The following EYS variants were observed in gnomAD, a reference collection of about 807,000 sequenced individuals.
EYS encodes the protein EGF-like photoreceptor maintenance factor, also known as protein eyes shut homolog.
A neutral mutation model predicts 282.1 loss-of-function variants in EYS; 250 were observed. That is an observed-to-expected ratio of 0.89 (90% CI 0.80 to 0.98). The LOEUF (loss-of-function observed/expected upper bound fraction) is 0.98. Ranked by LOEUF, EYS falls within the 50% of genes least tolerant of loss-of-function variation. The probability of loss-of-function intolerance (pLI) is 0.00; values close to 1 mark genes in which losing one functional copy is unlikely to be tolerated. For missense variants in EYS, 4,016 were observed against 3,709.0 expected, an observed-to-expected ratio of 1.08 and a Z score of -2.15; for synonymous variants, 1,355 against 1,282.9, an observed-to-expected ratio of 1.06 and a Z score of -1.20.
chr6:64,520,611 T>C (rs57020190), intron 26 of EYS, among the ~76,000 whole-genome samples: 1,661 of 151,738 alleles, frequency 0.011, 33 homozygotes, highest in East Asian at 0.082. Flanking sequence ...TTTTATGACT[T>C]GAGAATGACA....
At chr6:64,218,723 C>A (rs1040309324) in intron 31 of EYS, among the ~76,000 whole-genome samples, 3 of 152,152 alleles carry the variant, frequency 2.0e-5, no homozygotes, top group African/African-American at 7.2e-5. Context: ...AAACTGGGGC[C>A]TGCTTCTTGC....
At chr6:64,141,898 C>T (rs766866367) in intron 31 of EYS, among the ~76,000 whole-genome samples, 4 of 152,180 alleles carry the variant, frequency 2.6e-5, no homozygotes, top group Non-Finnish European at 4.4e-5. Flanking sequence ...CCCAAATGTT[C>T]ACTGGCATGC....
At chr6:65,052,361 A>G (rs1262103117) in intron 13 of EYS, among the ~76,000 whole-genome samples, 3 of 151,676 alleles carry the variant, frequency 2.0e-5, no homozygotes, top group African/African-American at 7.2e-5. Context: ...CACTCAAAAC[A>G]TAAAATCCCC....
chr6:65,610,674 A>G (rs1329379793), intron 2 of EYS, among the ~76,000 whole-genome samples: 28 of 152,110 alleles, frequency 1.8e-4, no homozygotes, highest in Admixed American at 1.7e-3. Flanking sequence ...TAAAACTTCT[A>G]TAACTTTTCT....
chr6:65,142,851 T>A (rs767175269), intron 12 of EYS, among the ~76,000 whole-genome samples: 1 of 151,986 alleles, frequency 6.6e-6, no homozygotes, highest in Admixed American at 6.6e-5. Context: ...CAAAACACTT[T>A]AAAAATGAAG....
At chr6:64,881,997 A>T (rs577879482) in intron 19 of EYS, among the ~76,000 whole-genome samples, 2 of 151,850 alleles carry the variant, frequency 1.3e-5, no homozygotes, top group African/African-American at 4.8e-5. Flanking sequence ...TGTAAGATCC[A>T]GCTTTTGATA....
intron 35 of EYS, among the ~76,000 whole-genome samples, chr6:63,925,639 G>C (rs1764693329): frequency 6.6e-6 from 1 of 152,068 alleles, no homozygotes; most frequent in Non-Finnish European, 1.5e-5. Context: ...CTGTCATCTA[G>C]GTTTTTTGTT....
At position 64,572,748 on chromosome 6, in the gene EYS, AC is replaced by A. The variant is rs201851193; in HGVS notation, c.5644+17474del. Among the ~76,000 whole-genome samples, 1,111 of 152,292 alleles carry A rather than the reference AC, an allele frequency of 7.3e-3. 11 individuals are homozygous for A. Among genetic ancestry groups the A allele is most frequent in the African/African-American group, 0.023 (943 of 41,546 alleles). ...AGGACCTCTTCAAGGAGAAGTACAA[AC>A]CACTGCTCAAGGAAATAAGAGAGGA... On this transcript the variant is annotated intron_variant, in intron 26 of 42. Coordinates refer to ENST00000503581, the MANE Select transcript of EYS (RefSeq NM_001142800.2).
At chr6:64,939,224 G>T (rs1769010712) in intron 15 of EYS, among the ~76,000 whole-genome samples, 1 of 151,736 alleles carries the variant, frequency 6.6e-6, no homozygotes, top group African/African-American at 2.4e-5. Context: ...AGCACATTCA[G>T]AAAATCTGAT....
At chr6:64,666,307 C>T (rs560886301) in intron 22 of EYS, among the ~76,000 whole-genome samples, 58 of 152,332 alleles carry the variant, frequency 3.8e-4, no homozygotes, top group African/African-American at 1.3e-3. Flanking sequence ...CCATTTACTT[C>T]TCAACTCATG....
At chr6:65,356,002 A>G (rs1764467472) in intron 8 of EYS, among the ~76,000 whole-genome samples, 1 of 152,118 alleles carries the variant, frequency 6.6e-6, no homozygotes, top group Non-Finnish European at 1.5e-5. Flanking sequence ...AAAAGAAATC[A>G]TTATATAAAA....
At chr6:65,073,392 C>G (rs1412833310) in intron 12 of EYS, among the ~76,000 whole-genome samples, 1 of 151,494 alleles carries the variant, frequency 6.6e-6, no homozygotes. Flanking sequence ...GAATTATTTC[C>G]ATTAGCCCTC....
intron 16 of EYS, among the ~76,000 whole-genome samples, chr6:64,903,249 A>T (rs1039188702): frequency 2.6e-5 from 4 of 152,182 alleles, no homozygotes; most frequent in Admixed American, 1.3e-4. Flanking sequence ...TACTAGTTCA[A>T]ACATGTAAGA....
chr6:65,421,816 G>A (rs1167386444), intron 5 of EYS, among the ~76,000 whole-genome samples: 2 of 151,794 alleles, frequency 1.3e-5, no homozygotes, highest in Non-Finnish European at 2.9e-5. Flanking sequence ...AAGCAGAACG[G>A]TCAGTTGGAA....
intron 12 of EYS, among the ~76,000 whole-genome samples, chr6:65,166,015 A>G (rs977076727): frequency 6.6e-6 from 1 of 151,242 alleles, no homozygotes. Flanking sequence ...TTATAATGGT[A>G]AAATAAATAT....
intron 2 of EYS, among the ~76,000 whole-genome samples, chr6:65,618,752 A>T (rs1335321543): frequency 6.6e-6 from 1 of 152,182 alleles, no homozygotes; most frequent in Non-Finnish European, 1.5e-5. Context: ...GAAGGGATCC[A>T]GTTTCAGCTT....
At chr6:65,334,337 T>C (rs569731534) in intron 11 of EYS, among the ~76,000 whole-genome samples, 3 of 151,778 alleles carry the variant, frequency 2.0e-5, no homozygotes, top group East Asian at 2.0e-4. Context: ...TCATAGCTCA[T>C]TGAAGCTTCT....
intron 14 of EYS, among the ~76,000 whole-genome samples, chr6:64,970,200 T>TGTA (rs1381898089): frequency 2.6e-5 from 4 of 151,592 alleles, no homozygotes; most frequent in Non-Finnish European, 5.9e-5. Flanking sequence ...ATAAAGTGTA[T>TGTA]GTAGATACTA....
intron 1 of EYS, among the ~76,000 whole-genome samples, chr6:65,676,410 A>G (rs1219946033): frequency 6.6e-6 from 1 of 151,894 alleles, no homozygotes; most frequent in African/African-American, 2.4e-5. Context: ...AATTAAGATT[A>G]TAAAAGAGTA....
Sources: allele counts gnomAD v4.1 joint callset (sites outside exome capture counted in the v4.1 genomes callset), GRCh38; gene constraint gnomAD v4.1.1; transcripts MANE v1.5; gene names NCBI Gene and HGNC (gene_info 2026-07-23, HGNC 2026-07-21).